The following ANO5 variants were observed in gnomAD, a reference collection of about 807,000 sequenced individuals.
The protein encoded by ANO5 is anoctamin-5.
In ANO5, 109 loss-of-function variants were observed where a neutral mutation model predicts 121.0. The ratio of observed to expected loss-of-function variants is 0.90; its 90% CI spans 0.77 to 1.06. The LOEUF (loss-of-function observed/expected upper bound fraction) is 1.06. Ranked by LOEUF, ANO5 falls within the 50% of genes least tolerant of loss-of-function variation. The pLI, the probability that ANO5 is intolerant of heterozygous loss-of-function variation, is 0.00. For synonymous variants in ANO5, 406 were observed against 359.9 expected, an observed-to-expected ratio of 1.13 and a Z score of -1.45; for missense variants, 1,064 against 1,078.5, an observed-to-expected ratio of 0.99 and a Z score of 0.19.
chr11:22,245,344 CTG>C (rs1464249632), intron 9 of ANO5, among the ~76,000 whole-genome samples: 1 of 152,162 alleles, frequency 6.6e-6, no homozygotes, highest in Admixed American at 6.5e-5. Context: ...GGCACTGTGT[CTG>C]TGTTTCCTTT....
intron 9 of ANO5, among the ~76,000 whole-genome samples, chr11:22,242,435 C>G (rs532592181): frequency 6.6e-6 from 1 of 152,030 alleles, no homozygotes; most frequent in Non-Finnish European, 1.5e-5. Flanking sequence ...TGAAAAATGT[C>G]ATTGGTAGTG....
At chr11:22,279,238 T>C (rs1854983740) in intron 21 of ANO5, among the ~76,000 whole-genome samples, 6 of 151,922 alleles carry the variant, frequency 3.9e-5, no homozygotes, top group Admixed American at 3.9e-4. Context: ...CTAGCCTTTT[T>C]CACTCTTTTG....
At position 22,255,447 on chromosome 11, in the gene ANO5, G is replaced by A; in HGVS notation, c.1257G>A (p.Glu419=). The A allele has an allele frequency of 1.9e-6, 3 of 1,613,414 alleles. No individual in the cohort carries two copies. Among genetic ancestry groups the A allele is most frequent in the Non-Finnish European group, 2.5e-6 (3 of 1,179,518 alleles). The change falls in exon 13 of 22, where the codon GAG becomes GAA. Residue 419 remains glutamate, a synonymous_variant. Coordinates refer to ENST00000324559, the MANE Select transcript of ANO5 (RefSeq NM_213599.3). The part of the protein sequence containing the change: ...EYEWDLVDFE[E]EQQQLQLRPE... ...AATGGGACCTGGTGGACTTTGAAGA[G>A]GAACAGCAGCAGCTTCAGCTGAGAC...
intron 5 of ANO5, 43 bp downstream of exon 5, chr11:22,221,253 C>T (rs1852641745): frequency 6.8e-7 from 1 of 1,466,538 alleles, no homozygotes; most frequent in East Asian, 2.3e-5. Context: ...AAAAGAAGCA[C>T]ATTTTATAAT....
At chr11:22,231,990 T>C (rs1853057283) in intron 7 of ANO5, among the ~76,000 whole-genome samples, 1 of 151,920 alleles carries the variant, frequency 6.6e-6, no homozygotes, top group Non-Finnish European at 1.5e-5. Flanking sequence ...AGAGAGAAAA[T>C]ATTCTTAGCC....
intron 9 of ANO5, among the ~76,000 whole-genome samples, chr11:22,247,357 TC>T (rs1853660694): frequency 6.6e-6 from 1 of 152,136 alleles, no homozygotes; most frequent in South Asian, 2.1e-4. Flanking sequence ...AGGATATTGC[TC>T]AATTTTTCTT....
intron 14 of ANO5, among the ~76,000 whole-genome samples, 163 bp from the exon 15 acceptor site, chr11:22,259,356 A>G (rs1854109784): frequency 6.6e-6 from 1 of 152,162 alleles, no homozygotes; most frequent in Admixed American, 6.5e-5. Context: ...GCCAGTGTTC[A>G]TGTCTTGCCA....
At chr11:22,201,327 T>C (rs1016692280) in intron 1 of ANO5, among the ~76,000 whole-genome samples, 1 of 152,188 alleles carries the variant, frequency 6.6e-6, no homozygotes, top group Non-Finnish European at 1.5e-5. Flanking sequence ...TATCTTCTTT[T>C]GCGGATAAAA....
chr11:22,279,630 G>A lies in ANO5; in HGVS notation c.2607G>A (p.Lys869=). Residue 869 remains lysine, a synonymous_variant, in exon 22 of 22, where the codon AAG becomes AAA. Coordinates refer to ENST00000324559, the MANE Select transcript of ANO5 (RefSeq NM_213599.3). ...KDVVERIKRE[K]LMTIKILHDF... ...TTGTGGAGAGAATCAAGAGAGAAAA[G>A]TTAATGACTATCAAGATTCTCCATG... 3 of 1,612,960 alleles carry A rather than the reference G, an allele frequency of 1.9e-6. No homozygotes were observed. The highest frequency in any genetic ancestry group is 4.5e-5 in the East Asian group (2 of 44,836).
intron 4 of ANO5, among the ~76,000 whole-genome samples, chr11:22,219,100 A>G (rs750473150): frequency 3.3e-5 from 5 of 152,028 alleles, no homozygotes; most frequent in Non-Finnish European, 7.4e-5. Context: ...CTCAACCTTA[A>G]CTGATTTTTA....
intron 3 of ANO5, 46 bp from the exon 4 acceptor site, chr11:22,218,200 G>A: frequency 1.9e-6 from 3 of 1,607,614 alleles, no homozygotes; most frequent in Middle Eastern, 1.7e-4. Context: ...AATCTTTACT[G>A]TAATTCTGGG....
chr11:22,274,071 T>C (rs1326534523), intron 19 of ANO5, among the ~76,000 whole-genome samples: 3 of 151,964 alleles, frequency 2.0e-5, no homozygotes, highest in Non-Finnish European at 4.4e-5. Flanking sequence ...ATCATTCCCA[T>C]GGAATCAAAT....
chr11:22,256,239 A>G (rs905120964), intron 13 of ANO5, among the ~76,000 whole-genome samples: 1 of 152,140 alleles, frequency 6.6e-6, no homozygotes, highest in African/African-American at 2.4e-5. Context: ...TTGAGCCCCT[A>G]TCTTCCCGTA....
chr11:22,228,910 T>TG (rs938375161), intron 7 of ANO5, among the ~76,000 whole-genome samples: 31 of 152,104 alleles, frequency 2.0e-4, no homozygotes, highest in African/African-American at 6.7e-4. Context: ...TTCCACATCT[T>TG]GGGTATCGTG....
Position 22,259,629 on chromosome 11 carries a change from CT to C in ANO5, c.1520del (p.Phe507SerfsTer6), listed in dbSNP as rs794727158. On this transcript the variant is annotated frameshift_variant, in exon 15 of 22. Coordinates refer to ENST00000324559, the MANE Select transcript of ANO5 (RefSeq NM_213599.3). LOFTEE classifies it high-confidence loss of function. Reference protein sequence around the residue: ...SDASLKQVKSFLTPQITTSLT... With the variant: ...SDASLKQVKSXLTPQITTSLT... ...ATGCATCCTTAAAGCAGGTCAAAAG[CT>C]TCCTTACTCCTCAGATAACCACATC... 12 of 1,614,012 alleles carry C rather than the reference CT, an allele frequency of 7.4e-6. No individual in the cohort carries two copies. Among genetic ancestry groups the C allele is most frequent in the Non-Finnish European group, 1.0e-5 (12 of 1,179,948 alleles).
intron 1 of ANO5, among the ~76,000 whole-genome samples, 171 bp downstream of exon 1, chr11:22,193,703 G>T (rs1286251678): frequency 1.3e-5 from 2 of 152,130 alleles, no homozygotes; most frequent in East Asian, 1.9e-4. Flanking sequence ...AGAGTCCCCC[G>T]CCTGGGGTGA....
intron 8 of ANO5, among the ~76,000 whole-genome samples, chr11:22,236,838 T>TA (rs1317731921): frequency 6.6e-6 from 1 of 152,190 alleles, no homozygotes; most frequent in Non-Finnish European, 1.5e-5. Context: ...CTTCAGGTGT[T>TA]ATGACAACTG....
intron 5 of ANO5, among the ~76,000 whole-genome samples, chr11:22,222,274 C>A (rs903172897): frequency 9.9e-5 from 15 of 151,958 alleles, no homozygotes; most frequent in Admixed American, 2.6e-4. Flanking sequence ...TATTCCTCAA[C>A]AATTTTACCT....
chr11:22,239,375 G>C (rs1188149247), intron 8 of ANO5, among the ~76,000 whole-genome samples, 194 bp from the exon 9 acceptor site: 5 of 151,976 alleles, frequency 3.3e-5, no homozygotes, highest in African/African-American at 1.2e-4. Flanking sequence ...TGCATTTTGA[G>C]ATAGCTTTGT....
Sources: gnomAD v4.1 joint callset for allele counts (sites outside exome capture counted in the v4.1 genomes callset) on GRCh38, gnomAD v4.1.1 for gene constraint, MANE v1.5 for transcripts, NCBI Gene and HGNC (gene_info 2026-07-23, HGNC 2026-07-21) for gene names.